Variants in TCERG1L observed in about 807,000 individuals in gnomAD.
TCERG1L encodes the protein transcription elongation regulator 1-like protein.
A neutral mutation model predicts 56.3 loss-of-function variants in TCERG1L; 37 were observed. The observed-to-expected ratio is 0.66, with a 90% confidence interval of 0.51 to 0.87. The LOEUF (loss-of-function observed/expected upper bound fraction) is 0.87, where lower values mean the gene tolerates loss of function less well. Among genes scored for constraint, TCERG1L ranks in the 40% least tolerant of loss-of-function variants. The pLI is 0.00. For synonymous variants in TCERG1L, 324 were observed against 326.3 expected, an observed-to-expected ratio of 0.99 and a Z score of 0.08; for missense variants, 799 against 774.2, an observed-to-expected ratio of 1.03 and a Z score of -0.38.
chr10:131,150,147 G>A (rs931554222), intron 6 of TCERG1L, among the ~76,000 whole-genome samples: 1 of 152,208 alleles, frequency 6.6e-6, no homozygotes, highest in Non-Finnish European at 1.5e-5. Flanking sequence ...CCAGGAGCCT[G>A]ACCTCACCTG....
intron 4 of TCERG1L, among the ~76,000 whole-genome samples, chr10:131,239,935 C>T (rs1464388569): frequency 1.3e-5 from 2 of 152,172 alleles, no homozygotes; most frequent in Non-Finnish European, 2.9e-5. Flanking sequence ...GGAGAGCGGT[C>T]CTTCTGGGGA....
At chr10:131,291,396 C>CCTTTTTTTTTT (rs1167056441) in intron 3 of TCERG1L, among the ~76,000 whole-genome samples, 1 of 67,698 alleles carries the variant, frequency 1.5e-5, no homozygotes, top group Admixed American at 2.1e-4. Context: ...CCATAAACAG[C>CCTTTTTTTTTT]ATTTCTTTTT....
chr10:131,273,543 G>A (rs1022334872), intron 3 of TCERG1L, among the ~76,000 whole-genome samples: 4 of 152,350 alleles, frequency 2.6e-5, no homozygotes, highest in South Asian at 2.1e-4. Flanking sequence ...AAAGTGAAAC[G>A]CAGTGGTGGG....
Position 131,260,472 on chromosome 10 carries a change from C to A in TCERG1L, c.671-28G>T. On this transcript the variant is annotated intron_variant, in intron 3 of 11. Transcript: ENST00000368642. The surrounding 1 kb of genome is among the most constrained non-coding windows in gnomAD (Gnocchi z 5.8). The stretch of plus-strand genomic sequence containing the variant: ...GCGGAAGAGGGATGCAGAGGGTCAG[C>A]AAGGGGACGACCAGGGCCATGGGTG... 2 of 1,372,424 alleles carry A rather than the reference C, an allele frequency of 1.5e-6. No homozygotes were observed. The highest frequency in any genetic ancestry group is 1.9e-6 in the Non-Finnish European group (2 of 1,059,296). 85.0% of individuals were successfully genotyped at this position (1,372,424 alleles called of 1,614,324 possible).
intron 9 of TCERG1L, among the ~76,000 whole-genome samples, chr10:131,108,198 A>G (rs921052977): frequency 8.5e-5 from 13 of 152,354 alleles, no homozygotes; most frequent in African/African-American, 2.9e-4. Flanking sequence ...GGAATGCAAC[A>G]GACTGAGAAC....
intron 7 of TCERG1L, among the ~76,000 whole-genome samples, chr10:131,135,432 C>T (rs1024549546): frequency 6.6e-6 from 1 of 152,212 alleles, no homozygotes; most frequent in African/African-American, 2.4e-5. Context: ...TCAGTTTCAA[C>T]AATCGCAGGG....
chr10:131,292,297 C>G (rs1446484305), intron 3 of TCERG1L, among the ~76,000 whole-genome samples: 1 of 152,192 alleles, frequency 6.6e-6, no homozygotes, highest in East Asian at 1.9e-4. Context: ...GATGCATCTT[C>G]CTGTGGTCGA....
Position 131,267,483 on chromosome 10 carries a change from G to A in TCERG1L, c.671-7039C>T, listed in dbSNP as rs1407753815. 3.3e-5 allele frequency among the ~76,000 whole-genome samples: 5 copies of A among 152,220 alleles called. No homozygotes were observed. Among genetic ancestry groups the A allele is most frequent in the African/African-American group, 9.6e-5 (4 of 41,458 alleles). ...ACACTGCCAACTTGAGGGGGGTCATGGCTCCTGCCTGTCCCAGCTCTGCAA... is the reference window on the plus strand; with the variant it reads ...ACACTGCCAACTTGAGGGGGGTCATAGCTCCTGCCTGTCCCAGCTCTGCAA... On this transcript the variant is annotated intron_variant, in intron 3 of 11. Coordinates refer to ENST00000368642, the MANE Select transcript of TCERG1L (RefSeq NM_174937.4). This position sits in a 1 kb window ranked among gnomAD's most constrained non-coding sequence, Gnocchi z 4.9.
chr10:131,171,579 T>G (rs951411258), intron 4 of TCERG1L, among the ~76,000 whole-genome samples: 5 of 152,172 alleles, frequency 3.3e-5, no homozygotes, highest in African/African-American at 9.7e-5. Context: ...ATCAGGAATT[T>G]ATTTATTTAT....
At chr10:131,139,772 ATGTGTGTCTGTGTGTGCT>A (rs140293973) in intron 7 of TCERG1L, among the ~76,000 whole-genome samples, 7,046 of 149,772 alleles carry the variant, frequency 0.047, 186 homozygotes, top group Middle Eastern at 0.16. Context: ...CTGTATGTAT[ATGTGTGTCTGTGTGTGCT>A]TGTGTGTCTG....
At chr10:131,230,287 T>C (rs1845834998) in intron 4 of TCERG1L, among the ~76,000 whole-genome samples, 1 of 152,238 alleles carries the variant, frequency 6.6e-6, no homozygotes, top group Non-Finnish European at 1.5e-5. Context: ...GCGCCCCTCC[T>C]GGGTGCACTA....
At chr10:131,239,932 G>A (rs981597657) in intron 4 of TCERG1L, among the ~76,000 whole-genome samples, 1 of 152,138 alleles carries the variant, frequency 6.6e-6, no homozygotes, top group Non-Finnish European at 1.5e-5. Context: ...AGAGGAGAGC[G>A]GTCCTTCTGG....
chr10:131,193,856 T>G (rs1375285397), intron 4 of TCERG1L, among the ~76,000 whole-genome samples: 1 of 152,370 alleles, frequency 6.6e-6, no homozygotes, highest in African/African-American at 2.4e-5. Flanking sequence ...TTTAGAATTT[T>G]TTTTCTAATT....
At chr10:131,229,972 C>T (rs972796027) in intron 4 of TCERG1L, among the ~76,000 whole-genome samples, 1 of 152,216 alleles carries the variant, frequency 6.6e-6, no homozygotes, top group Non-Finnish European at 1.5e-5. Context: ...GCAGCTTCCC[C>T]TCCGCAGAAG....
At position 131,191,445 on chromosome 10, in the gene TCERG1L, C is replaced by G. The variant is rs562016042; in HGVS notation, c.857-24560G>C. 7.4e-4 allele frequency among the ~76,000 whole-genome samples: 106 copies of G among 143,818 alleles called. 10 individuals carry two copies. Among genetic ancestry groups the G allele is most frequent in the Admixed American group, 1.8e-3 (26 of 14,404 alleles). 94.4% of individuals were successfully genotyped at this position (143,818 alleles called of 152,430 possible). ...CCAAAGCAATCCTAAGCAAAACAAA[C>G]AAATCTGGAGGCATCACATTACTGG... On this transcript the variant is annotated intron_variant, in intron 4 of 11. Transcript: ENST00000368642.
chr10:131,186,456 A>T (rs1293805122), intron 4 of TCERG1L, among the ~76,000 whole-genome samples: 4 of 152,220 alleles, frequency 2.6e-5, no homozygotes, highest in Admixed American at 6.5e-5. Flanking sequence ...AAGAGGTCCA[A>T]AGAGATAACA....
intron 4 of TCERG1L, among the ~76,000 whole-genome samples, chr10:131,201,223 A>T (rs1452940425): frequency 1.3e-5 from 2 of 152,122 alleles, no homozygotes; most frequent in African/African-American, 4.8e-5. Flanking sequence ...TGAGCCCCCA[A>T]AACACATCCC....
At chr10:131,252,602 G>A (rs903108810) in intron 4 of TCERG1L, among the ~76,000 whole-genome samples, 2 of 152,194 alleles carry the variant, frequency 1.3e-5, no homozygotes, top group Non-Finnish European at 2.9e-5. Flanking sequence ...TCCAGTGTGA[G>A]CTGCAGACCA....
At chr10:131,189,654 C>T (rs942665261) in intron 4 of TCERG1L, among the ~76,000 whole-genome samples, 1 of 152,078 alleles carries the variant, frequency 6.6e-6, no homozygotes, top group African/African-American at 2.4e-5. Context: ...GTGCAGGTAT[C>T]TTTTTGGTAT....
Sources: gnomAD v4.1 joint callset for allele counts (sites outside exome capture counted in the v4.1 genomes callset) on GRCh38, gnomAD v4.1.1 for gene constraint, Gnocchi (gnomAD v3.1) non-coding constraint, MANE v1.5 for transcripts, NCBI Gene and HGNC (gene_info 2026-07-23, HGNC 2026-07-21) for gene names.